TF: variants seen among roughly 807,000 people sequenced by gnomAD.
TF encodes serotransferrin.
TF carries 55 observed loss-of-function variants against 82.4 expected under a neutral mutation model. That is an observed-to-expected ratio of 0.67 (90% CI 0.54 to 0.84). The LOEUF (loss-of-function observed/expected upper bound fraction) is 0.84, where lower values mean the gene tolerates loss of function less well. Among genes scored for constraint, TF ranks in the 40% least tolerant of loss-of-function variants. The probability of loss-of-function intolerance (pLI) is 0.00; values close to 1 mark genes in which losing one functional copy is unlikely to be tolerated. For missense variants in TF, 737 were observed against 868.4 expected, an observed-to-expected ratio of 0.85 and a Z score of 1.90; for synonymous variants, 332 against 332.6, an observed-to-expected ratio of 1.00 and a Z score of 0.02.
chr3:133,736,706 A>T, the TF span, among the ~76,000 whole-genome samples: 223 of 151,652 alleles, frequency 1.5e-3, no homozygotes, highest in African/African-American at 4.7e-3. Flanking sequence ...AACAAAGATT[A>T]AAAAAAAGAC....
chr3:133,775,433 GA>G lies in TF; in HGVS notation c.1694del (p.Asn565ThrfsTer9). ...KHQTVPQNTG[G>X]KNPDPWAKNL... ...TGAACCACCTTCTTCCTGTCCCTAG[GA>G]AAAAACCCTGATCCATGGGCTAAGA... On this transcript the variant is annotated frameshift_variant and splice_region_variant, in exon 15 of 17. Coordinates refer to ENST00000402696, the MANE Select transcript of TF (RefSeq NM_001063.4). LOFTEE classifies it high-confidence loss of function. The G allele has an allele frequency of 6.2e-7, 1 of 1,614,158 alleles. No homozygotes were observed. The highest frequency in any genetic ancestry group is 8.5e-7 in the Non-Finnish European group (1 of 1,180,018).
intron 13 of TF, among the ~76,000 whole-genome samples, chr3:133,769,727 C>T (rs2107928682): frequency 6.6e-6 from 1 of 152,306 alleles, no homozygotes; most frequent in East Asian, 1.9e-4. Context: ...TCCAAAAGTC[C>T]AACCCACTCG....
rs1028906689 is a variant in TF at position 133,790,984 on chromosome 3, A to G, written c.*12364A>G. 3 of 152,170 alleles carry G rather than the reference A, an allele frequency of 2.0e-5. No homozygotes were observed. Among genetic ancestry groups the G allele is most frequent in the Admixed American group, 6.5e-5 (1 of 15,274 alleles). The allele number at this position is 152,170 out of a possible 1,614,324, so 9.4% of individuals were successfully genotyped here. ...TGGGTTCCTATTTGTTTTTGCTTCT[A>G]ATTTTCATTTGTTTGCCATTTATTC... On this transcript the variant is annotated 3_prime_UTR_variant, in exon 17 of 17. Transcript: ENST00000402696.
chr3:133,772,845 A>T (rs1934293227), intron 14 of TF: 1 of 152,248 alleles, frequency 6.6e-6, no homozygotes, highest in South Asian at 2.1e-4. Context: ...CACATTCCTG[A>T]TAAATATTAC....
the TF span, among the ~76,000 whole-genome samples, chr3:133,734,072 T>A: frequency 1.3e-5 from 2 of 152,006 alleles, no homozygotes; most frequent in Non-Finnish European, 2.9e-5. Context: ...GCTGCACATA[T>A]GGGGAGGAAG....
chr3:133,764,376 G>A, intron 10 of TF, 101 bp downstream of exon 10: 2 of 1,022,794 alleles, frequency 2.0e-6, no homozygotes, highest in Admixed American at 3.5e-5. Context: ...CTGCCATAAA[G>A]CTTTCCCTCT....
the TF span, among the ~76,000 whole-genome samples, chr3:133,677,568 C>T: frequency 1.6e-4 from 24 of 152,184 alleles, 1 homozygote; most frequent in South Asian, 1.0e-3. Context: ...ACCCGGGAGG[C>T]GGAGGTTTCA....
the TF span, among the ~76,000 whole-genome samples, chr3:133,703,772 GAATT>G: frequency 6.6e-6 from 1 of 152,186 alleles, no homozygotes; most frequent in African/African-American, 2.4e-5. Flanking sequence ...CTAGAGAAAT[GAATT>G]ATTTATTGAA....
chr3:133,701,209 T>G, the TF span: 2 of 151,552 alleles, frequency 1.3e-5, no homozygotes, highest in African/African-American at 4.9e-5. Context: ...AATGAGGGGG[T>G]TTTCTGTGAT....
intron 14 of TF, chr3:133,774,673 A>T (rs1576367841): frequency 5.5e-6 from 1 of 181,746 alleles, no homozygotes; most frequent in East Asian, 1.4e-4. Context: ...TAGTTAATAT[A>T]GAGAGATATT....
chr3:133,751,824 T>A (rs1327745368), intron 2 of TF, among the ~76,000 whole-genome samples: 1 of 151,818 alleles, frequency 6.6e-6, no homozygotes, highest in Non-Finnish European at 1.5e-5. Context: ...AAACCCCATC[T>A]CTACTAAAAA....
chr3:133,758,772 T>G (rs1312431368), intron 8 of TF, among the ~76,000 whole-genome samples: 1 of 152,196 alleles, frequency 6.6e-6, no homozygotes, highest in Non-Finnish European at 1.5e-5. Flanking sequence ...ACCCTGAGGA[T>G]GCCCTGGTGA....
the TF span, among the ~76,000 whole-genome samples, chr3:133,675,553 T>A: frequency 6.6e-6 from 1 of 152,212 alleles, no homozygotes; most frequent in Non-Finnish European, 1.5e-5. Context: ...GGAGAAATGT[T>A]CTTCTAGAAA....
the TF span, chr3:133,699,576 G>A: frequency 1.5e-6 from 1 of 648,668 alleles, no homozygotes; most frequent in Non-Finnish European, 2.7e-6. Context: ...GGCCTGAAGT[G>A]TGGGTGGCAA....
At chr3:133,683,605 AG>A in the TF span, among the ~76,000 whole-genome samples, 1 of 152,258 alleles carries the variant, frequency 6.6e-6, no homozygotes, top group South Asian at 2.1e-4. Context: ...GAGACAAAGA[AG>A]GCCGTTACAT....
the TF span, among the ~76,000 whole-genome samples, chr3:133,669,176 A>G: frequency 6.6e-6 from 1 of 151,676 alleles, no homozygotes; most frequent in African/African-American, 2.4e-5. Context: ...AATTTTTTGT[A>G]TTTTTAGTAG....
At chr3:133,734,554 C>T in the TF span, among the ~76,000 whole-genome samples, 1 of 152,006 alleles carries the variant, frequency 6.6e-6, no homozygotes, top group Non-Finnish European at 1.5e-5. Flanking sequence ...CGAGTCCATG[C>T]AGATATAAAC....
chr3:133,742,783 A>G (rs1933416839), upstream of TF, among the ~76,000 whole-genome samples: 1 of 152,210 alleles, frequency 6.6e-6, no homozygotes, highest in African/African-American at 2.4e-5. Context: ...ATTTGGAAAC[A>G]ACAAATATTG....
At chr3:133,674,351 C>G in the TF span, among the ~76,000 whole-genome samples, 1 of 152,226 alleles carries the variant, frequency 6.6e-6, no homozygotes, top group Admixed American at 6.5e-5. Context: ...GTGCTGCCCC[C>G]TTCCCCGAAG....
Sources: allele counts gnomAD v4.1 joint callset (sites outside exome capture counted in the v4.1 genomes callset), GRCh38; gene constraint gnomAD v4.1.1; transcripts MANE v1.5; gene names NCBI Gene and HGNC (gene_info 2026-07-23, HGNC 2026-07-21).